MAPK6: variants seen among roughly 807,000 people sequenced by gnomAD.
MAPK6 encodes the protein ERK-3.
Under a neutral mutation model 59.3 loss-of-function variants are expected in MAPK6, and 19 were observed. That is an observed-to-expected ratio of 0.32 (90% CI 0.22 to 0.47). The LOEUF (loss-of-function observed/expected upper bound fraction) is 0.47. MAPK6 is among the 20% of genes least tolerant of loss of function. The pLI, the probability that MAPK6 is intolerant of heterozygous loss-of-function variation, is 1.00. For synonymous variants in MAPK6, 316 were observed against 290.3 expected (o/e 1.09, Z -0.90); for missense variants, 724 against 847.9 (o/e 0.85, Z 1.81).
chr15:52,016,070 G>A (rs201191624), upstream of MAPK6, among the ~76,000 whole-genome samples: 7,242 of 55,488 alleles, frequency 0.13, 606 homozygotes, highest in African/African-American at 0.19. Context: ...GCGCGCGCGC[G>A]CACACACACA....
At chr15:51,991,099 G>A (rs1392621102) in intron 2 of MAPK6, among the ~76,000 whole-genome samples, 1 of 151,526 alleles carries the variant, frequency 6.6e-6, no homozygotes, top group African/African-American at 2.4e-5. Flanking sequence ...CTGCACTCCA[G>A]CCTGGGCAAC....
chr15:52,016,068 G>GCACACACA (rs1183676940), upstream of MAPK6, among the ~76,000 whole-genome samples: 126 of 35,652 alleles, frequency 3.5e-3, no homozygotes, highest in Admixed American at 6.6e-3. Context: ...GCGCGCGCGC[G>GCACACACA]CGCACACACA....
At position 52,054,773 on chromosome 15, in the gene MAPK6, C is replaced by T. The variant is rs1221477315; in HGVS notation, c.701-3860C>T. ...ACATATACACATACATAGATACACA[C>T]ATACATATATATATAATTTTTTTTT... On this transcript the variant is annotated intron_variant, in intron 3 of 5. Coordinates refer to ENST00000261845, the MANE Select transcript of MAPK6 (RefSeq NM_002748.4). Among the ~76,000 whole-genome samples, 4 of 147,644 alleles carry T rather than the reference C, an allele frequency of 2.7e-5. No individual in the cohort carries two copies. In the Admixed American group the frequency reaches 2.8e-4, roughly 10 times the overall value.
Position 52,064,970 on chromosome 15 carries a change from A to C in MAPK6, c.2136A>C (p.Thr712=), listed in dbSNP as rs201094277. ...CTTCCCCTCAAATTCCTCATCAAAC[A>C]TACAGCAGCATTCTGAAACATCTGA... The part of the protein sequence containing the change: ...MKSSPQIPHQ[T]YSSILKHLN The change falls in exon 6 of 6, where the codon ACA becomes ACC. Residue 712 remains threonine (T), a synonymous_variant. Transcript: ENST00000261845. 1.9e-6 allele frequency: 3 copies of C among 1,609,764 alleles called. No individual in the cohort carries two copies. The highest frequency in any genetic ancestry group is 2.5e-6 in the Non-Finnish European group (3 of 1,178,142).
intron 4 of MAPK6, among the ~76,000 whole-genome samples, chr15:52,059,932 C>T (rs140787312): frequency 9.8e-5 from 15 of 152,314 alleles, no homozygotes; most frequent in Non-Finnish European, 2.1e-4. Context: ...AATACATGTT[C>T]TCACCCCACA....
intron 3 of MAPK6, among the ~76,000 whole-genome samples, chr15:52,056,127 A>C (rs894842949): frequency 6.6e-6 from 1 of 152,196 alleles, no homozygotes; most frequent in African/African-American, 2.4e-5. Context: ...CTCATTGGAA[A>C]TCAGTGTGTT....
chr15:52,058,629 T>A lies in MAPK6; in HGVS notation c.701-4T>A, dbSNP rs2032077251. On this transcript the variant is annotated splice_polypyrimidine_tract_variant and splice_region_variant and intron_variant, in intron 3 of 5. Coordinates refer to ENST00000261845, the MANE Select transcript of MAPK6 (RefSeq NM_002748.4). The stretch of plus-strand genomic sequence containing the variant: ...GTGTTTTTTTGTTTGTTTTTTAACC[T>A]CAGGTGCACATGAACTTGAACAGAT... The A allele has an allele frequency of 6.3e-7, 1 of 1,595,696 alleles. No individual in the cohort carries two copies. Among genetic ancestry groups the A allele is most frequent in the East Asian group, 2.3e-5 (1 of 44,384 alleles).
At chr15:52,008,147 C>T (rs1404997430) in intron 3 of MAPK6, among the ~76,000 whole-genome samples, 1 of 152,086 alleles carries the variant, frequency 6.6e-6, no homozygotes, top group Non-Finnish European at 1.5e-5. Flanking sequence ...GTGCCCAGCC[C>T]TTATTTCACT....
Position 52,050,038 on chromosome 15 carries a change from C to G in MAPK6, c.601C>G (p.Arg201Gly). ...GLVTKWYRSP[R>G]LLLSPNNYTK... ...GGTTACTAAATGGTACAGATCTCCA[C>G]GTCTTTTACTTTCTCCTAATAATTA... The change falls in exon 3 of 6, where the codon CGT becomes GGT. Residue 201 changes from arginine to glycine, a missense_variant. Transcript: ENST00000261845. 6.2e-7 allele frequency: 1 copy of G among 1,612,062 alleles called. No homozygotes were observed. Among genetic ancestry groups the G allele is most frequent in the Non-Finnish European group, 8.5e-7 (1 of 1,179,144 alleles).
At chr15:52,004,978 CCTT>C (rs2057253670) in intron 3 of MAPK6, among the ~76,000 whole-genome samples, 1 of 152,184 alleles carries the variant, frequency 6.6e-6, no homozygotes, top group Admixed American at 6.5e-5. Flanking sequence ...CTGTGTTTGA[CCTT>C]CTTCCTTTGC....
intron 1 of MAPK6, among the ~76,000 whole-genome samples, chr15:51,973,664 T>C (rs922901594): frequency 6.6e-6 from 1 of 151,938 alleles, no homozygotes; most frequent in African/African-American, 2.4e-5. Context: ...CTACACTTTT[T>C]TTTTTTAAAC....
At chr15:52,002,971 A>G (rs2057246730) in intron 2 of MAPK6, among the ~76,000 whole-genome samples, 1 of 152,080 alleles carries the variant, frequency 6.6e-6, no homozygotes, top group Non-Finnish European at 1.5e-5. Flanking sequence ...GGCAGATCAC[A>G]AGGTCAGGAG....
intron 1 of MAPK6, among the ~76,000 whole-genome samples, chr15:52,028,965 G>C (rs771550862): frequency 2.0e-4 from 31 of 152,132 alleles, no homozygotes; most frequent in Non-Finnish European, 3.7e-4. Context: ...CACTGTTTTC[G>C]GCCTATTCAT....
chr15:52,057,993 G>T (rs1333014401), intron 3 of MAPK6, among the ~76,000 whole-genome samples: 1 of 141,642 alleles, frequency 7.1e-6, no homozygotes, highest in Non-Finnish European at 1.5e-5. Context: ...AAGGAATTTT[G>T]AATGTTCAAT....
chr15:52,047,855 T>G (rs1462121203), intron 2 of MAPK6, among the ~76,000 whole-genome samples: 1 of 152,186 alleles, frequency 6.6e-6, no homozygotes, highest in Non-Finnish European at 1.5e-5. Flanking sequence ...AAATTTAGCT[T>G]GAAATCTAAA....
At chr15:51,990,091 T>A (rs779400949) in intron 2 of MAPK6, among the ~76,000 whole-genome samples, 1 of 152,230 alleles carries the variant, frequency 6.6e-6, no homozygotes, top group Non-Finnish European at 1.5e-5. Context: ...ACTCTAAAAC[T>A]AATTTGGTGA....
At chr15:52,041,702 A>G (rs914650906) in intron 1 of MAPK6, among the ~76,000 whole-genome samples, 1 of 152,188 alleles carries the variant, frequency 6.6e-6, no homozygotes, top group African/African-American at 2.4e-5. Flanking sequence ...CTGCCCTAAG[A>G]GTTAAGGTGA....
At position 52,030,262 on chromosome 15, in the gene MAPK6, T is replaced by C. The variant is rs866674179; in HGVS notation, c.-632+10886T>C. On this transcript the variant is annotated intron_variant, in intron 1 of 5. Coordinates refer to ENST00000261845, the MANE Select transcript of MAPK6 (RefSeq NM_002748.4). Reference sequence around the variant, plus strand: ...ATCTGAATTTGTTAATTAGCTAACATGTTTGTTGGTCTTTCCTTACTAGAA... The same window carrying C: ...ATCTGAATTTGTTAATTAGCTAACACGTTTGTTGGTCTTTCCTTACTAGAA... Among the ~76,000 whole-genome samples, 3 of 152,330 alleles carry C rather than the reference T, an allele frequency of 2.0e-5. No individual in the cohort carries two copies. The South Asian group carries it at 6.2e-4, about 32-fold the overall frequency.
chr15:52,048,004 T>C (rs1012586055), intron 2 of MAPK6, among the ~76,000 whole-genome samples: 4 of 152,156 alleles, frequency 2.6e-5, no homozygotes, highest in African/African-American at 9.7e-5. Context: ...TGAAATCTTA[T>C]GTGGGACCCT....
Sources: allele counts gnomAD v4.1 joint callset (sites outside exome capture counted in the v4.1 genomes callset), GRCh38; gene constraint gnomAD v4.1.1; transcripts MANE v1.5; gene names NCBI Gene and HGNC (gene_info 2026-07-23, HGNC 2026-07-21).